The following TIMP3 variants were observed in gnomAD, a reference collection of about 807,000 sequenced individuals.
TIMP3 encodes TIMP metallopeptidase inhibitor 3, also known as metalloproteinase inhibitor 3.
TIMP3 carries 11 observed loss-of-function variants against 30.0 expected under a neutral mutation model. The ratio of observed to expected loss-of-function variants is 0.37; its 90% CI spans 0.23 to 0.61. TIMP3 has a LOEUF of 0.61. Ranked by LOEUF, TIMP3 falls within the 20% of genes least tolerant of loss-of-function variation. The probability of loss-of-function intolerance (pLI) is 0.70; values close to 1 mark genes in which losing one functional copy is unlikely to be tolerated. For synonymous variants in TIMP3, 112 were observed against 111.3 expected (o/e 1.01, Z -0.04); for missense variants, 181 against 276.8 (o/e 0.65, Z 2.45).
rs2048483135 is a variant in TIMP3, at chr22:32,859,725, T to C, written c.*348T>C. 3 of 288,744 alleles carry C rather than the reference T, an allele frequency of 1.0e-5. No homozygotes were observed. In the South Asian group the frequency reaches 1.3e-4, roughly 12 times the overall value. 17.9% of individuals were successfully genotyped at this position (288,744 alleles called of 1,614,324 possible). Reference sequence around the variant, plus strand: ...AAACTACTCCATTTGAGGATTGTAATTCCCACCCCTCTTGCTTCTTCCCCA... The same window carrying C: ...AAACTACTCCATTTGAGGATTGTAACTCCCACCCCTCTTGCTTCTTCCCCA... On this transcript the variant is annotated 3_prime_UTR_variant, in exon 5 of 5. Coordinates refer to ENST00000266085, the MANE Select transcript of TIMP3 (RefSeq NM_000362.5).
rs541951897 is a variant in TIMP3 at position 32,833,084 on chromosome 22, A to G, written c.122-16368A>G. On this transcript the variant is annotated intron_variant, in intron 1 of 4. Coordinates refer to ENST00000266085, the MANE Select transcript of TIMP3 (RefSeq NM_000362.5). ...AACACTAGAAGTACTTAAATAGATG[A>G]TGGTGAAGTCTCAAGCTGTCCTACC... 3.9e-5 allele frequency among the ~76,000 whole-genome samples: 6 copies of G among 152,284 alleles called. No individual in the cohort carries two copies. The East Asian group carries it at 9.6e-4, about 24-fold the overall frequency.
In TIMP3 at chr22:32,806,273, A is replaced by G. The variant is rs2046733490; in HGVS notation, c.121+4151A>G. On this transcript the variant is annotated intron_variant, in intron 1 of 4. Transcript: ENST00000266085. ...TCTGTGTCCCTTTCACAGTCCCTGG[A>G]TAGATAAGGCTAGAAAAGTGGCCAC... Among the ~76,000 whole-genome samples the G allele has an allele frequency of 2.0e-5, 3 of 152,118 alleles. No individual in the cohort carries two copies. The South Asian group carries it at 6.2e-4, about 32-fold the overall frequency.
intron 1 of TIMP3, among the ~76,000 whole-genome samples, chr22:32,815,245 C>T (rs1349564729): frequency 6.6e-6 from 1 of 152,190 alleles, no homozygotes; most frequent in East Asian, 1.9e-4. Context: ...CTACTGACAG[C>T]TTTGCTGCAA....
At chr22:32,851,537 G>A (rs1469554045) in intron 2 of TIMP3, among the ~76,000 whole-genome samples, 1 of 152,156 alleles carries the variant, frequency 6.6e-6, no homozygotes, top group Non-Finnish European at 1.5e-5. Flanking sequence ...AGACTGGTGG[G>A]CTTAGGCTTT....
chr22:32,809,467 C>T (rs771520297), intron 1 of TIMP3, among the ~76,000 whole-genome samples: 1 of 152,080 alleles, frequency 6.6e-6, no homozygotes, highest in East Asian at 1.9e-4. Flanking sequence ...CATAACCAAG[C>T]CTTACCTCCT....
chr22:32,816,815 T>C (rs2047097934), intron 1 of TIMP3, among the ~76,000 whole-genome samples: 1 of 152,174 alleles, frequency 6.6e-6, no homozygotes, highest in Admixed American at 6.5e-5. Context: ...CAGCACCTCT[T>C]GTAAGTCATC....
intron 1 of TIMP3, among the ~76,000 whole-genome samples, chr22:32,830,976 C>A (rs539265100): frequency 4.4e-4 from 67 of 152,200 alleles, no homozygotes; most frequent in African/African-American, 1.6e-3. Flanking sequence ...CAACCAGGGG[C>A]ACAGGGGTGG....
At chr22:32,806,594 G>A (rs2046744962) in intron 1 of TIMP3, among the ~76,000 whole-genome samples, 1 of 152,180 alleles carries the variant, frequency 6.6e-6, no homozygotes, top group Middle Eastern at 3.2e-3. Flanking sequence ...CTTGTTGGCT[G>A]TGTGTGCCTA....
chr22:32,827,685 C>G (rs1171756454), intron 1 of TIMP3, among the ~76,000 whole-genome samples: 2 of 152,208 alleles, frequency 1.3e-5, no homozygotes, highest in Non-Finnish European at 2.9e-5. Flanking sequence ...TGCCAATGCC[C>G]TGCTCAAAGC....
intron 1 of TIMP3, among the ~76,000 whole-genome samples, chr22:32,847,598 A>G (rs555692622): frequency 6.6e-6 from 1 of 152,352 alleles, no homozygotes; most frequent in Admixed American, 6.5e-5. Flanking sequence ...AGTTCTTAGT[A>G]AAGATTTTTT....
At chr22:32,818,244 C>T (rs1169892802) in intron 1 of TIMP3, among the ~76,000 whole-genome samples, 5 of 152,174 alleles carry the variant, frequency 3.3e-5, no homozygotes, top group South Asian at 4.1e-4. Context: ...CAGGATTTGA[C>T]GTGGGATGCC....
At chr22:32,849,647 C>T (rs2048164062) in intron 2 of TIMP3, 113 bp downstream of exon 2, 4 of 899,554 alleles carry the variant, frequency 4.4e-6, no homozygotes, top group East Asian at 5.3e-5. Flanking sequence ...AAGCACCAGC[C>T]AGACCCAGCC....
Position 32,801,901 on chromosome 22 carries a change from C to T in TIMP3, c.-101C>T, listed in dbSNP as rs2046593032. The stretch of plus-strand genomic sequence containing the variant: ...GAGGCCAAGGTTGCCCCGCACGGCC[C>T]GGCGGGCGAGCGAGCTCGGGCTGCA... On this transcript the variant is annotated 5_prime_UTR_variant, in exon 1 of 5. Coordinates refer to ENST00000266085, the MANE Select transcript of TIMP3 (RefSeq NM_000362.5). The surrounding 1 kb of genome is among the most constrained non-coding windows in gnomAD (Gnocchi z 4.7). The T allele has an allele frequency of 7.2e-7, 1 of 1,387,622 alleles. No homozygotes were observed. The highest frequency in any genetic ancestry group is 1.5e-5 in the African/African-American group (1 of 65,434). The allele number at this position is 1,387,622 out of a possible 1,614,324, so 86.0% of individuals were successfully genotyped here.
rs761523742 is a variant in TIMP3, at chr22:32,859,135, T to C, written c.439-45T>C. 11 of 1,608,188 alleles carry C rather than the reference T, an allele frequency of 6.8e-6. No individual in the cohort carries two copies. The South Asian group carries it at 9.9e-5, about 14-fold the overall frequency. On this transcript the variant is annotated intron_variant, in intron 4 of 4. Transcript: ENST00000266085. ...GGCTCGGTAGCCTCAGGCCTGGGCATACCATGGCAGAGTCCATCAACTGCT... is the reference window on the plus strand; with the variant it reads ...GGCTCGGTAGCCTCAGGCCTGGGCACACCATGGCAGAGTCCATCAACTGCT...
At chr22:32,832,076 G>T (rs1390184658) in intron 1 of TIMP3, among the ~76,000 whole-genome samples, 1 of 152,140 alleles carries the variant, frequency 6.6e-6, no homozygotes, top group African/African-American at 2.4e-5. Flanking sequence ...GTGATTAGGG[G>T]CCAACTCCGT....
At chr22:32,811,808 C>T (rs778012882) in intron 1 of TIMP3, among the ~76,000 whole-genome samples, 1 of 152,196 alleles carries the variant, frequency 6.6e-6, no homozygotes, top group Non-Finnish European at 1.5e-5. Context: ...CTTCTGAGGG[C>T]AAGCCCAACA....
intron 2 of TIMP3, among the ~76,000 whole-genome samples, chr22:32,855,214 C>G (rs1414481953): frequency 1.3e-5 from 2 of 152,332 alleles, no homozygotes; most frequent in East Asian, 3.9e-4. Context: ...GTTACCAAAT[C>G]TCACAGTTCA....
chr22:32,820,529 A>T (rs2047216853), intron 1 of TIMP3, among the ~76,000 whole-genome samples: 1 of 151,854 alleles, frequency 6.6e-6, no homozygotes, highest in South Asian at 2.1e-4. Context: ...CCTTAACCCC[A>T]TTTACTTTGA....
At chr22:32,844,125 G>A (rs776205089) in intron 1 of TIMP3, among the ~76,000 whole-genome samples, 4 of 152,104 alleles carry the variant, frequency 2.6e-5, no homozygotes, top group Admixed American at 6.5e-5. Context: ...ATTGTTGCTC[G>A]GCCTTCTAGT....
Sources: allele counts gnomAD v4.1 joint callset (sites outside exome capture counted in the v4.1 genomes callset), GRCh38; gene constraint gnomAD v4.1.1; non-coding constraint Gnocchi (gnomAD v3.1); transcripts MANE v1.5; gene names NCBI Gene and HGNC (gene_info 2026-07-23, HGNC 2026-07-21).